CACNA1D: variants seen among roughly 807,000 people sequenced by gnomAD.
CACNA1D encodes the protein calcium voltage-gated channel subunit alpha1 D.
In CACNA1D, 55 loss-of-function variants were observed where a neutral mutation model predicts 257.1. That is an observed-to-expected ratio of 0.21 (90% CI 0.17 to 0.27). The LOEUF is 0.27. Among genes scored for constraint, CACNA1D ranks in the 10% least tolerant of loss-of-function variants. The pLI, the probability that CACNA1D is intolerant of heterozygous loss-of-function variation, is 1.00. For missense variants in CACNA1D, 1,876 were observed against 2,784.0 expected, an observed-to-expected ratio of 0.67 and a Z score of 7.34; for synonymous variants, 980 against 1,014.9, an observed-to-expected ratio of 0.97 and a Z score of 0.65.
chr3:53,760,081 G>C (rs546147065), intron 29 of CACNA1D, among the ~76,000 whole-genome samples: 1 of 152,298 alleles, frequency 6.6e-6, no homozygotes, highest in East Asian at 1.9e-4. Context: ...GGGTAAAATG[G>C]GAGAGAGGCA....
At chr3:53,642,931 G>A (rs569124490) in intron 3 of CACNA1D, among the ~76,000 whole-genome samples, 12 of 152,334 alleles carry the variant, frequency 7.9e-5, no homozygotes, top group African/African-American at 2.9e-4. Context: ...CCATTGTGAG[G>A]TGCTTTATAG....
At position 53,613,279 on chromosome 3, in the gene CACNA1D, C is replaced by T. The variant is rs80259693; in HGVS notation, c.484-37500C>T. Among the ~76,000 whole-genome samples, 5 of 152,328 alleles carry T rather than the reference C, an allele frequency of 3.3e-5. No homozygotes were observed. In the East Asian group the frequency reaches 9.6e-4, roughly 29 times the overall value. On this transcript the variant is annotated intron_variant, in intron 3 of 47. Transcript: ENST00000350061. The stretch of plus-strand genomic sequence containing the variant: ...TTAAGTTTCATTTCCCTTTTGACCA[C>T]AAAGAAGATGGCCCTATTCAAGACT...
chr3:53,551,540 C>T (rs1191255504), intron 3 of CACNA1D, among the ~76,000 whole-genome samples: 1 of 152,230 alleles, frequency 6.6e-6, no homozygotes, highest in East Asian at 1.9e-4. Flanking sequence ...ATCTACATGC[C>T]TGTAAATGAA....
intron 3 of CACNA1D, among the ~76,000 whole-genome samples, chr3:53,507,084 A>C (rs1378420847): frequency 1.1e-4 from 16 of 151,170 alleles, no homozygotes; most frequent in Admixed American, 5.9e-4. Context: ...AAAAAAAAAA[A>C]AAAAAAAAAC....
chr3:53,781,524 A>G (rs2095425277), intron 38 of CACNA1D, 42 bp from the exon 39 acceptor site: 1 of 1,349,722 alleles, frequency 7.4e-7, no homozygotes, highest in Admixed American at 1.7e-5. Context: ...GCTGGGGAAC[A>G]GAAATGAGGC....
intron 3 of CACNA1D, among the ~76,000 whole-genome samples, chr3:53,540,346 G>A (rs1264360547): frequency 2.0e-5 from 3 of 150,344 alleles, no homozygotes; most frequent in Non-Finnish European, 4.4e-5. Flanking sequence ...GCCTGGTCTC[G>A]AACTCCTGAC....
At chr3:53,735,563 A>G in intron 20 of CACNA1D, 60 bp downstream of exon 20, 1 of 1,594,710 alleles carries the variant, frequency 6.3e-7, no homozygotes, top group African/African-American at 1.3e-5. Flanking sequence ...GGCAGAGGCC[A>G]CTGTAGAGAT....
chr3:53,656,411 C>G (rs923228928), intron 4 of CACNA1D, among the ~76,000 whole-genome samples: 2 of 152,084 alleles, frequency 1.3e-5, no homozygotes, highest in African/African-American at 2.4e-5. Context: ...TATTTGTGAG[C>G]ATGGTATGTT....
At chr3:53,664,949 G>C (rs1217394987) in intron 5 of CACNA1D, among the ~76,000 whole-genome samples, 2 of 152,158 alleles carry the variant, frequency 1.3e-5, no homozygotes, top group Non-Finnish European at 2.9e-5. Flanking sequence ...ATTTACAGCA[G>C]ACTTGCAAGA....
At chr3:53,602,599 A>G (rs1430376404) in intron 3 of CACNA1D, among the ~76,000 whole-genome samples, 1 of 152,192 alleles carries the variant, frequency 6.6e-6, no homozygotes, top group African/African-American at 2.4e-5. Flanking sequence ...CCCTTTCTCC[A>G]TATCCTTACC....
chr3:53,546,074 G>C (rs1449274213), intron 3 of CACNA1D, among the ~76,000 whole-genome samples: 1 of 152,188 alleles, frequency 6.6e-6, no homozygotes, highest in Admixed American at 6.6e-5. Flanking sequence ...AAGTGACAAG[G>C]GATCACAGAT....
At chr3:53,776,205 C>A (rs961758613) in intron 35 of CACNA1D, among the ~76,000 whole-genome samples, 160 bp downstream of exon 35, 1 of 152,182 alleles carries the variant, frequency 6.6e-6, no homozygotes, top group African/African-American at 2.4e-5. Context: ...TTTAACCAGG[C>A]GTGTGTCACT....
In CACNA1D at chr3:53,662,927, A is replaced by G. The variant is rs144943773; in HGVS notation, c.766+2652A>G. Reference sequence around the variant, plus strand: ...TTGGTGTCTCAAGAAAACCAAAACAATGATAGAAACCTGGCCATGGGGATT... The same window carrying G: ...TTGGTGTCTCAAGAAAACCAAAACAGTGATAGAAACCTGGCCATGGGGATT... On this transcript the variant is annotated intron_variant, in intron 5 of 47. Transcript: ENST00000350061. Among the ~76,000 whole-genome samples the G allele has an allele frequency of 3.5e-3, 529 of 152,344 alleles. 1 individual carries two copies. The highest frequency in any genetic ancestry group is 0.012 in the African/African-American group (518 of 41,580).
In CACNA1D at chr3:53,762,919, G is replaced by A. The variant is rs192911744; in HGVS notation, c.3870+838G>A. Among the ~76,000 whole-genome samples, 391 of 152,346 alleles carry A rather than the reference G, an allele frequency of 2.6e-3. 1 individual carries two copies. The highest frequency in any genetic ancestry group is 6.8e-3 in the Middle Eastern group (2 of 294). ...AGGGCTGGGAGTTAATTGTGTGTCCGTGTGAATGTTGTCACTCACCAGTCG... is the reference window on the plus strand; with the variant it reads ...AGGGCTGGGAGTTAATTGTGTGTCCATGTGAATGTTGTCACTCACCAGTCG... On this transcript the variant is annotated intron_variant, in intron 30 of 47. Coordinates refer to ENST00000350061, the MANE Select transcript of CACNA1D (RefSeq NM_001128840.3).
chr3:53,722,268 G>A (rs749132070), intron 11 of CACNA1D, 46 bp from the exon 12 acceptor site: 160 of 1,607,636 alleles, frequency 1.0e-4, no homozygotes, highest in Non-Finnish European at 1.3e-4. Flanking sequence ...TGGATACTCA[G>A]ATGCTGTATC....
chr3:53,797,158 T>C (rs916264015), intron 40 of CACNA1D, among the ~76,000 whole-genome samples: 3 of 152,248 alleles, frequency 2.0e-5, no homozygotes, highest in African/African-American at 7.2e-5. Flanking sequence ...GGATTGGAAC[T>C]TGTGCCTATG....
At chr3:53,640,405 A>C (rs1331532973) in intron 3 of CACNA1D, among the ~76,000 whole-genome samples, 2 of 152,338 alleles carry the variant, frequency 1.3e-5, no homozygotes, top group East Asian at 3.9e-4. Flanking sequence ...GTGACAACTA[A>C]GACAAGATTG....
chr3:53,673,067 C>T lies in CACNA1D; in HGVS notation c.1161C>T (p.Val387=). 1 of 1,552,052 alleles carries T rather than the reference C, an allele frequency of 6.4e-7. No homozygotes were observed. The highest frequency in any genetic ancestry group is 1.4e-5 in the African/African-American group (1 of 73,140). Residue 387 remains valine (V), a synonymous_variant, in exon 8 of 48, where the codon GTC becomes GTT. Transcript: ENST00000350061. This position sits in a 1 kb window ranked among gnomAD's most constrained non-coding sequence, Gnocchi z 4.1. ...MGFELPWVYF[V]SLVIFGSFFV... ...TTGAATTGCCCTGGGTGTATTTTGT[C>T]AGTCTCGTCATCTTTGGGTCATTTT...
chr3:53,798,887 G>A (rs977578611), intron 40 of CACNA1D, among the ~76,000 whole-genome samples: 3 of 152,192 alleles, frequency 2.0e-5, no homozygotes, highest in African/African-American at 7.2e-5. Context: ...CTGGGCATCT[G>A]TTCTACCCCA....
Sources: allele counts gnomAD v4.1 joint callset (sites outside exome capture counted in the v4.1 genomes callset), GRCh38; gene constraint gnomAD v4.1.1; non-coding constraint Gnocchi (gnomAD v3.1); transcripts MANE v1.5; gene names NCBI Gene and HGNC (gene_info 2026-07-23, HGNC 2026-07-21).